CTR9: variants seen among roughly 807,000 people sequenced by gnomAD.
CTR9 encodes the protein CTR9 component of Paf1/RNA polymerase II complex.
CTR9 carries 41 observed loss-of-function variants against 152.1 expected under a neutral mutation model. That is an observed-to-expected ratio of 0.27 (90% CI 0.21 to 0.35). CTR9 has a LOEUF of 0.35. CTR9 is among the 10% of genes least tolerant of loss of function. The pLI is 1.00. For missense variants in CTR9, 917 were observed against 1,424.4 expected (o/e 0.64, Z 5.73); for synonymous variants, 476 against 496.2 (o/e 0.96, Z 0.54).
At chr11:10,759,005 C>T (rs1484407722) in intron 5 of CTR9, among the ~76,000 whole-genome samples, 1 of 152,206 alleles carries the variant, frequency 6.6e-6, no homozygotes, top group Non-Finnish European at 1.5e-5. Flanking sequence ...ACACTCTATA[C>T]TTAATCATAT....
chr11:10,770,775 G>A (rs769709443), intron 18 of CTR9, 143 bp downstream of exon 18: 19 of 773,016 alleles, frequency 2.5e-5, no homozygotes, highest in Non-Finnish European at 3.3e-5. Flanking sequence ...TCTAAAGGTG[G>A]TCTATTAGAA....
At chr11:10,775,752 A>C in intron 24 of CTR9, 119 bp downstream of exon 24, 2 of 632,026 alleles carry the variant, frequency 3.2e-6, no homozygotes, top group Non-Finnish European at 5.1e-6. Flanking sequence ...TATAAATAAT[A>C]AGAGGGGTGG....
chr11:10,760,085 A>G, intron 5 of CTR9, 88 bp from the exon 6 acceptor site: 2 of 1,445,976 alleles, frequency 1.4e-6, no homozygotes, highest in South Asian at 1.3e-5. Flanking sequence ...GGATTTTGCA[A>G]CTCATAAATA....
At chr11:10,764,866 A>G in intron 12 of CTR9, 135 bp downstream of exon 12, 1 of 763,608 alleles carries the variant, frequency 1.3e-6, no homozygotes, top group Non-Finnish European at 2.0e-6. Flanking sequence ...CTCCAGGGCA[A>G]ATTTGTGGCC....
intron 5 of CTR9, among the ~76,000 whole-genome samples, chr11:10,759,094 A>G (rs1162766709): frequency 3.3e-5 from 5 of 152,218 alleles, no homozygotes; most frequent in African/African-American, 1.2e-4. Context: ...TCTGGGCTGA[A>G]GTCATCAACA....
rs200384057 is a variant in CTR9 at position 10,764,451 on chromosome 11, A to G, written c.1413+15A>G. On this transcript the variant is annotated intron_variant, in intron 11 of 24. Transcript: ENST00000361367. ...GGGAGGCTAAGGTAGGAAAATAGAAATATTTCCTTCTTTTATACTGAATCA... is the reference window on the plus strand; with the variant it reads ...GGGAGGCTAAGGTAGGAAAATAGAAGTATTTCCTTCTTTTATACTGAATCA... 5.6e-6 allele frequency: 9 copies of G among 1,598,774 alleles called. No homozygotes were observed. Among genetic ancestry groups the G allele is most frequent in the African/African-American group, 1.4e-5 (1 of 72,350 alleles).
chr11:10,759,483 A>G (rs1453871837), intron 5 of CTR9, among the ~76,000 whole-genome samples: 1 of 152,176 alleles, frequency 6.6e-6, no homozygotes, highest in Non-Finnish European at 1.5e-5. Context: ...GAAGGAAGGG[A>G]ATTAGACATA....
rs762761519 is a variant in CTR9, at chr11:10,768,302, A to G, written c.1961-41A>G. On this transcript the variant is annotated intron_variant, in intron 15 of 24. Transcript: ENST00000361367. The stretch of plus-strand genomic sequence containing the variant: ...AATTTTTAGTTGTTTTTCTGACTCC[A>G]ATTAGAAAATTGTTAAGTGTGAACC... 3.1e-5 allele frequency: 50 copies of G among 1,588,432 alleles called. No individual in the cohort carries two copies. In the South Asian group the frequency reaches 5.2e-4, roughly 16 times the overall value.
At chr11:10,757,159 C>T (rs1472158311) in intron 5 of CTR9, among the ~76,000 whole-genome samples, 1 of 151,986 alleles carries the variant, frequency 6.6e-6, no homozygotes, top group Non-Finnish European at 1.5e-5. Flanking sequence ...GTGGCACACA[C>T]CTGTGGTCCC....
intron 3 of CTR9, 70 bp downstream of exon 3, chr11:10,755,267 T>A: frequency 6.6e-7 from 1 of 1,508,462 alleles, no homozygotes; most frequent in Non-Finnish European, 8.9e-7. Flanking sequence ...ATGTGTGTGA[T>A]AGCAGATTTT....
At chr11:10,756,430 A>G (rs1312792690) in intron 4 of CTR9, among the ~76,000 whole-genome samples, 1 of 152,086 alleles carries the variant, frequency 6.6e-6, no homozygotes, top group East Asian at 1.9e-4. Flanking sequence ...AAAAGGCCCC[A>G]GTATGTGATG....
At chr11:10,773,059 G>A in intron 20 of CTR9, 68 bp from the exon 21 acceptor site, 2 of 1,535,564 alleles carry the variant, frequency 1.3e-6, no homozygotes. Context: ...GCTTAGGATG[G>A]TAGCCATTAA....
chr11:10,777,813 C>T (rs547820726), intron 24 of CTR9, among the ~76,000 whole-genome samples: 37 of 152,290 alleles, frequency 2.4e-4, no homozygotes, highest in African/African-American at 7.9e-4. Context: ...CCTCCCTCAC[C>T]GTTCCTAGAC....
intron 4 of CTR9, 66 bp from the exon 5 acceptor site, chr11:10,756,683 G>C: frequency 9.3e-7 from 1 of 1,079,092 alleles, no homozygotes; most frequent in Non-Finnish European, 1.4e-6. Flanking sequence ...AGATAAGTTA[G>C]TGTAAAACAT....
chr11:10,758,836 G>T (rs1862928900), intron 5 of CTR9, among the ~76,000 whole-genome samples: 1 of 152,070 alleles, frequency 6.6e-6, no homozygotes, highest in South Asian at 2.1e-4. Flanking sequence ...TGTGACATAG[G>T]CACCTGGTGT....
rs1420109429 is a variant in CTR9, at chr11:10,770,532, G to T, written c.2272G>T (p.Ala758Ser). ...TGATACAGTTCTTATGTTTAATGTG[G>T]CCTTGGTCCTGCAAAGATTAGCTAC... Reference protein sequence around the residue: ...PSDTVLMFNVALVLQRLATSV... With the variant: ...PSDTVLMFNVSLVLQRLATSV... The change falls in exon 18 of 25, where the codon GCC (alanine) becomes TCC (serine). Residue 758 changes from alanine to serine, a missense_variant. Ala to Ser is a moderately conservative substitution (Grantham distance 99). Around this residue, in one of 9 missense-constraint regions of CTR9, gnomAD observed 106 missense variants for 157.8 expected, o/e 0.67. Coordinates refer to ENST00000361367, the MANE Select transcript of CTR9 (RefSeq NM_014633.5). 3 of 1,614,016 alleles carry T rather than the reference G, an allele frequency of 1.9e-6. No homozygotes were observed. The highest frequency in any genetic ancestry group is 2.5e-6 in the Non-Finnish European group (3 of 1,179,972).
chr11:10,759,572 CAA>C (rs1433367702), intron 5 of CTR9, among the ~76,000 whole-genome samples: 8 of 152,098 alleles, frequency 5.3e-5, no homozygotes, highest in Non-Finnish European at 8.8e-5. Context: ...GATATAGAAT[CAA>C]GAGAGGATTT....
Position 10,778,940 on chromosome 11 carries a change from C to T in CTR9, c.3357C>T (p.Asn1119=), listed in dbSNP as rs1020815283. ...SGRSHSGVSE[N]DSRPASPSAE... ...GAAGCCACTCAGGAGTTTCTGAGAA[C>T]GACTCTCGCCCAGCTTCTCCAAGTG... The change falls in exon 25 of 25, where the codon AAC becomes AAT. Residue 1119 remains asparagine, a synonymous_variant. Transcript: ENST00000361367. The T allele has an allele frequency of 8.1e-6, 13 of 1,614,144 alleles. No individual in the cohort carries two copies. The highest frequency in any genetic ancestry group is 2.2e-5 in the East Asian group (1 of 44,880).
rs368661298 is a variant in CTR9 at position 10,763,896 on chromosome 11, A to C, written c.1194+17A>C. 6.4e-7 allele frequency: 1 copy of C among 1,568,100 alleles called. No individual in the cohort carries two copies. The highest frequency in any genetic ancestry group is 8.7e-7 in the Non-Finnish European group (1 of 1,153,152). On this transcript the variant is annotated intron_variant, in intron 9 of 24. Coordinates refer to ENST00000361367, the MANE Select transcript of CTR9 (RefSeq NM_014633.5). ...ATTGCCAAGGTACATCTTTTTTTTA[A>C]AGTCTTAGCTGTTTTCTGTTAGCTG...
Sources: allele counts gnomAD v4.1 joint callset (sites outside exome capture counted in the v4.1 genomes callset), GRCh38; gene constraint gnomAD v4.1.1; regional missense constraint gnomAD v4.1.1; transcripts MANE v1.5; gene names NCBI Gene and HGNC (gene_info 2026-07-23, HGNC 2026-07-21).